TIMM44: variants seen among roughly 807,000 people sequenced by gnomAD.
TIMM44 encodes the protein mitochondrial import inner membrane translocase subunit TIM44.
Under a neutral mutation model 63.8 loss-of-function variants are expected in TIMM44, and 37 were observed. The observed-to-expected ratio is 0.58, with a 90% CI of 0.45 to 0.76. The LOEUF (loss-of-function observed/expected upper bound fraction) is 0.76. TIMM44 is among the 30% of genes least tolerant of loss of function. The pLI is 0.00. For missense variants in TIMM44, 573 were observed against 603.8 expected, an observed-to-expected ratio of 0.95 and a Z score of 0.54; for synonymous variants, 239 against 245.1, an observed-to-expected ratio of 0.98 and a Z score of 0.23.
rs773262994 is a variant in TIMM44 at position 7,943,618 on chromosome 19, G to A, written c.34C>T (p.Arg12Cys). ...AAAALRSGWCRCPRRCLGSGI... is the reference protein window; with the variant it reads ...AAAALRSGWCCCPRRCLGSGI... ...GCACCGCCGCTCACCCGTGGACAGC[G>A]GCACCAGCCACTCCGCAGGGCCGCC... is the stretch of plus-strand genomic sequence containing the variant. The change falls in exon 1 of 13, where the codon CGC becomes TGC. Residue 12 changes from arginine to cysteine, a missense_variant. Arg to Cys is a radical substitution (Grantham distance 180). Transcript: ENST00000270538. The surrounding 1 kb of genome is among the most constrained non-coding windows in gnomAD (Gnocchi z 4.3). 16 of 1,559,372 alleles carry A rather than the reference G, an allele frequency of 1.0e-5. No homozygotes were observed. Among genetic ancestry groups the A allele is most frequent in the Non-Finnish European group, 1.2e-5 (14 of 1,159,612 alleles).
At chr19:7,940,893 G>A (rs1405369583) in intron 2 of TIMM44, among the ~76,000 whole-genome samples, 2 of 151,906 alleles carry the variant, frequency 1.3e-5, no homozygotes, top group East Asian at 1.9e-4. Context: ...ATCCCCTTAC[G>A]ACATCAAGCA....
chr19:7,937,105 AAACAACAAC>A (rs375908343), intron 3 of TIMM44, among the ~76,000 whole-genome samples: 1 of 151,518 alleles, frequency 6.6e-6, no homozygotes, highest in East Asian at 1.9e-4. Context: ...CTGCTTCAAA[AAACAACAAC>A]AACAACAACA....
intron 10 of TIMM44, chr19:7,928,422 T>C: frequency 1.9e-6 from 1 of 519,548 alleles, no homozygotes; most frequent in Non-Finnish European, 3.4e-6. Context: ...AGTGGGTGAT[T>C]CTCTTGGAAC....
At chr19:7,931,108 A>C in intron 10 of TIMM44, 30 bp downstream of exon 10, 2 of 1,609,186 alleles carry the variant, frequency 1.2e-6, no homozygotes, top group Non-Finnish European at 1.7e-6. Context: ...GCCTTAAAAA[A>C]AAAAAAAGAA....
In TIMM44 at chr19:7,943,430, C is replaced by T. The variant is rs1984364322; in HGVS notation, c.45+177G>A. The stretch of plus-strand genomic sequence containing the variant: ...CTGCCCGGTAAGCTCGGTCCCCGCC[C>T]TCAGGCCACGCTCTGTGCCCCCTGT... On this transcript the variant is annotated intron_variant, in intron 1 of 12. Transcript: ENST00000270538. The surrounding 1 kb of genome is among the most constrained non-coding windows in gnomAD (Gnocchi z 4.3). 6.6e-6 allele frequency among the ~76,000 whole-genome samples: 1 copy of T among 152,214 alleles called. No individual in the cohort carries two copies. The highest frequency in any genetic ancestry group is 2.4e-5 in the African/African-American group (1 of 41,460).
In TIMM44 at chr19:7,941,127, C is replaced by T. The variant is rs770401583; in HGVS notation, c.116G>A (p.Arg39His). 2.9e-5 allele frequency: 46 copies of T among 1,613,906 alleles called. No individual in the cohort carries two copies. Among genetic ancestry groups the T allele is most frequent in the South Asian group, 1.4e-4 (13 of 91,070 alleles). The change falls in exon 2 of 13, where the codon CGC (arginine) becomes CAC (histidine). Residue 39 changes from arginine (R) to histidine (H), a missense_variant. Arg to His is a conservative substitution (Grantham distance 29). Coordinates refer to ENST00000270538, the MANE Select transcript of TIMM44 (RefSeq NM_006351.4). ...NLPHGSTYQM[R>H]RPGGELPLSK... ...CAGTGGCAGCTCTCCGCCCGGCCGG[C>T]GCATCTGATAGGTCGACCCATGGGG...
At chr19:7,927,846 G>A (rs1359006497) in intron 11 of TIMM44, 79 bp from the exon 12 acceptor site, 3 of 1,434,432 alleles carry the variant, frequency 2.1e-6, no homozygotes, top group East Asian at 2.3e-5. Context: ...CCTGCGCCTA[G>A]GCCCTGCTAG....
chr19:7,930,495 T>C (rs1007751945), intron 10 of TIMM44, among the ~76,000 whole-genome samples: 2 of 151,448 alleles, frequency 1.3e-5, no homozygotes, highest in African/African-American at 4.9e-5. Context: ...TTAGTAGAGA[T>C]GGGGTTTCAC....
At chr19:7,932,312 G>A in intron 9 of TIMM44, 1 of 428,436 alleles carries the variant, frequency 2.3e-6, no homozygotes, top group Non-Finnish European at 4.3e-6. Flanking sequence ...GGGGTGAGGG[G>A]CTCCAGGCAC....
chr19:7,938,328 T>G (rs1984214354), intron 2 of TIMM44, 131 bp from the exon 3 acceptor site: 1 of 675,678 alleles, frequency 1.5e-6, no homozygotes, highest in Admixed American at 2.9e-5. Flanking sequence ...GATGATTAGC[T>G]ATCTCTTTTA....
At chr19:7,939,105 ACAC>A (rs1984232076) in intron 2 of TIMM44, among the ~76,000 whole-genome samples, 1 of 152,134 alleles carries the variant, frequency 6.6e-6, no homozygotes, top group Non-Finnish European at 1.5e-5. Flanking sequence ...CAGAGAATGT[ACAC>A]CACCAAGAGG....
At position 7,943,622 on chromosome 19, in the gene TIMM44, C is replaced by T. The variant is rs1302560566; in HGVS notation, c.30G>A (p.Trp10Ter). ...CGCCGCTCACCCGTGGACAGCGGCA[C>T]CAGCCACTCCGCAGGGCCGCCGCCG... The part of the protein sequence containing the change: MAAAALRSG[W>*]CRCPRRCLGS... Residue 10 changes from tryptophan (W) to a stop codon, truncating the protein, a stop_gained, in exon 1 of 13, where the codon TGG becomes TGA. Coordinates refer to ENST00000270538, the MANE Select transcript of TIMM44 (RefSeq NM_006351.4). LOFTEE classifies it high-confidence loss of function. The surrounding 1 kb of genome is among the most constrained non-coding windows in gnomAD (Gnocchi z 4.3). 1 of 1,572,920 alleles carries T rather than the reference C, an allele frequency of 6.4e-7. No individual in the cohort carries two copies. Among genetic ancestry groups the T allele is most frequent in the Admixed American group, 1.8e-5 (1 of 56,400 alleles).
chr19:7,936,774 C>G (rs1984166024), intron 3 of TIMM44, among the ~76,000 whole-genome samples: 1 of 152,260 alleles, frequency 6.6e-6, no homozygotes, highest in Non-Finnish European at 1.5e-5. Flanking sequence ...TTGAGACCAG[C>G]CTGGCCAACA....
At chr19:7,937,539 G>A (rs1233327989) in intron 3 of TIMM44, among the ~76,000 whole-genome samples, 1 of 152,172 alleles carries the variant, frequency 6.6e-6, no homozygotes, top group Admixed American at 6.5e-5. Flanking sequence ...ATGGTCTCAT[G>A]GCAGAACCCA....
intron 2 of TIMM44, among the ~76,000 whole-genome samples, chr19:7,940,490 G>A (rs1334836492): frequency 6.6e-6 from 1 of 151,914 alleles, no homozygotes; most frequent in East Asian, 1.9e-4. Context: ...CCACACCCAC[G>A]ATGGCCCCAG....
chr19:7,931,004 G>A (rs1983964209), intron 10 of TIMM44, 134 bp downstream of exon 10: 7 of 748,814 alleles, frequency 9.3e-6, no homozygotes, highest in Admixed American at 2.4e-5. Context: ...AGGGTGAGAC[G>A]TGAGGATTCC....
chr19:7,933,631 G>C lies in TIMM44; in HGVS notation c.684-61C>G, dbSNP rs1357574672. 1 of 1,477,402 alleles carries C rather than the reference G, an allele frequency of 6.8e-7. No individual in the cohort carries two copies. The highest frequency in any genetic ancestry group is 9.5e-7 in the Non-Finnish European group (1 of 1,056,376). 91.5% of individuals were successfully genotyped at this position (1,477,402 alleles called of 1,614,324 possible). A position where few individuals can be genotyped will look rare whatever the true frequency, so the allele number is the denominator to read the frequency against. On this transcript the variant is annotated intron_variant, in intron 6 of 12. Transcript: ENST00000270538. This position sits in a 1 kb window ranked among gnomAD's most constrained non-coding sequence, Gnocchi z 4.3. ...CGCCAGGGCCACCCTGTGCCCTCCTGCGGCTGCAGGCAGGGGGCAGTACAG... is the reference window on the plus strand; with the variant it reads ...CGCCAGGGCCACCCTGTGCCCTCCTCCGGCTGCAGGCAGGGGGCAGTACAG...
In TIMM44 at chr19:7,926,786, G is replaced by A. The variant is rs1599644474; in HGVS notation, c.*401C>T. 6.7e-6 allele frequency: 2 copies of A among 300,254 alleles called. No individual in the cohort carries two copies. Among genetic ancestry groups the A allele is most frequent in the Non-Finnish European group, 1.3e-5 (2 of 151,692 alleles). 18.6% of individuals were successfully genotyped at this position (300,254 alleles called of 1,614,324 possible). A position where few individuals can be genotyped will look rare whatever the true frequency, so the allele number is the denominator to read the frequency against. ...CTTATGCACAAGATGGAAGAGCACT[G>A]TTAAAATTAAAAAATGGACCTAAAG... is the stretch of plus-strand genomic sequence containing the variant. On this transcript the variant is annotated 3_prime_UTR_variant, in exon 13 of 13. Transcript: ENST00000270538.
intron 10 of TIMM44, among the ~76,000 whole-genome samples, chr19:7,930,146 A>G (rs115171526): frequency 0.17 from 24,883 of 147,474 alleles, 2,409 homozygotes; most frequent in Middle Eastern, 0.26. Context: ...ACCGTGCCCG[A>G]CCTATTTCCT....
Sources: allele counts gnomAD v4.1 joint callset (sites outside exome capture counted in the v4.1 genomes callset), GRCh38; gene constraint gnomAD v4.1.1; non-coding constraint Gnocchi (gnomAD v3.1); transcripts MANE v1.5; gene names NCBI Gene and HGNC (gene_info 2026-07-23, HGNC 2026-07-21).